Variants in CNTNAP2 observed in about 807,000 individuals in gnomAD.
CNTNAP2 encodes the protein contactin associated protein 2, also known as contactin-associated protein-like 2.
CNTNAP2 carries 98 observed loss-of-function variants against 155.2 expected under a neutral mutation model. That is an observed-to-expected ratio of 0.63 (90% CI 0.54 to 0.75). CNTNAP2 has a LOEUF of 0.75. CNTNAP2 is among the 30% of genes least tolerant of loss of function. The pLI is 0.00. For missense variants in CNTNAP2, 1,727 were observed against 1,688.1 expected, an observed-to-expected ratio of 1.02 and a Z score of -0.40; for synonymous variants, 651 against 631.2, an observed-to-expected ratio of 1.03 and a Z score of -0.47.
At chr7:147,263,081 G>A (rs1260025186) in intron 8 of CNTNAP2, among the ~76,000 whole-genome samples, 1 of 152,148 alleles carries the variant, frequency 6.6e-6, no homozygotes, top group African/African-American at 2.4e-5. Context: ...AGGTGGTGGT[G>A]CTTGCCTCCA....
chr7:147,472,587 G>A (rs190271717), intron 10 of CNTNAP2, among the ~76,000 whole-genome samples: 2 of 152,262 alleles, frequency 1.3e-5, no homozygotes, highest in African/African-American at 4.8e-5. Context: ...TTAAAGCAAG[G>A]CAAGATTTGG....
intron 13 of CNTNAP2, among the ~76,000 whole-genome samples, chr7:147,802,912 G>A (rs979049634): frequency 6.6e-6 from 1 of 151,696 alleles, no homozygotes; most frequent in Non-Finnish European, 1.5e-5. Context: ...ACTTCAGATA[G>A]AAAAAATAAC....
intron 15 of CNTNAP2, among the ~76,000 whole-genome samples, chr7:148,062,021 G>T: frequency 7.2e-6 from 1 of 138,398 alleles, no homozygotes; most frequent in African/African-American, 2.8e-5. Flanking sequence ...TAGAGAGAGA[G>T]AGAGAGAGTG....
At chr7:146,364,984 A>G (rs1251296816) in intron 1 of CNTNAP2, among the ~76,000 whole-genome samples, 1 of 152,246 alleles carries the variant, frequency 6.6e-6, no homozygotes, top group East Asian at 1.9e-4. Flanking sequence ...TGTCAAATTT[A>G]CAAGCCCTTA....
chr7:146,774,226 A>C, intron 1 of CNTNAP2, 45 bp from the exon 2 acceptor site: 1 of 1,400,880 alleles, frequency 7.1e-7, no homozygotes, highest in Non-Finnish European at 1.0e-6. Context: ...GTTATTTCGA[A>C]ATCGTTGTTG....
At chr7:147,618,705 T>TTA (rs1471695584) in intron 12 of CNTNAP2, among the ~76,000 whole-genome samples, 1 of 125,936 alleles carries the variant, frequency 7.9e-6, no homozygotes, top group South Asian at 2.1e-4. Flanking sequence ...ATAACAGCTA[T>TTA]TATACACACA....
Position 146,133,735 on chromosome 7 carries a change from G to A in CNTNAP2, c.97+16762G>A, listed in dbSNP as rs142903519. Among the ~76,000 whole-genome samples the A allele has an allele frequency of 4.4e-3, 667 of 152,138 alleles. 2 individuals carry two copies. Among genetic ancestry groups the A allele is most frequent in the African/African-American group, 0.015 (618 of 41,500 alleles). On this transcript the variant is annotated intron_variant, in intron 1 of 23. Transcript: ENST00000361727. ...GGTCAGATAGTTGTAAATATGTGGCGTTATTTCTGCAGGCTCTGTTCTGTT... is the reference window on the plus strand; with the variant it reads ...GGTCAGATAGTTGTAAATATGTGGCATTATTTCTGCAGGCTCTGTTCTGTT...
rs974214201 is a variant in CNTNAP2 at position 148,224,642 on chromosome 7, G to T, written c.3248-5004G>T. 2.8e-4 allele frequency among the ~76,000 whole-genome samples: 43 copies of T among 152,294 alleles called. 1 individual carries two copies. The highest frequency in any genetic ancestry group is 5.7e-4 in the Non-Finnish European group (39 of 68,022). On this transcript the variant is annotated intron_variant, in intron 19 of 23. Transcript: ENST00000361727. ...CACATTTTGAAAACATGGGGAAGAA[G>T]ACGGTACAGAAGCAGGGAGACTGTA...
chr7:147,960,386 A>G (rs1203334001), intron 14 of CNTNAP2, among the ~76,000 whole-genome samples: 1 of 152,162 alleles, frequency 6.6e-6, no homozygotes, highest in Non-Finnish European at 1.5e-5. Flanking sequence ...AACTCAATAA[A>G]TGGTGAGATG....
At chr7:148,055,774 CATTGCA>C (rs1323580709) in intron 15 of CNTNAP2, among the ~76,000 whole-genome samples, 6 of 112,124 alleles carry the variant, frequency 5.4e-5, no homozygotes, top group Non-Finnish European at 9.9e-5. Flanking sequence ...GAAGGAAAAG[CATTGCA>C]GTAGAGACTA....
chr7:147,339,420 G>T (rs1398609166), intron 9 of CNTNAP2, among the ~76,000 whole-genome samples: 1 of 151,970 alleles, frequency 6.6e-6, no homozygotes, highest in Admixed American at 6.6e-5. Context: ...GTGTATGTCA[G>T]CTCCTCTTCT....
At position 146,423,823 on chromosome 7, in the gene CNTNAP2, A is replaced by T. The variant is rs140361022; in HGVS notation, c.97+306850A>T. ...GTAGATCTTTTCTTTTTTAATTTTC[A>T]GGAAAAATTATACAATATAAGAAGA... is the stretch of plus-strand genomic sequence containing the variant. On this transcript the variant is annotated intron_variant, in intron 1 of 23. Transcript: ENST00000361727. Among the ~76,000 whole-genome samples, 472 of 152,272 alleles carry T rather than the reference A, an allele frequency of 3.1e-3. 5 individuals carry two copies. The highest frequency in any genetic ancestry group is 0.011 in the African/African-American group (454 of 41,542).
At chr7:146,541,133 C>G (rs1485701465) in intron 1 of CNTNAP2, among the ~76,000 whole-genome samples, 1 of 152,000 alleles carries the variant, frequency 6.6e-6, no homozygotes. Flanking sequence ...TTTCTTCTTC[C>G]TCCTTGTACT....
chr7:148,085,914 A>G (rs1212499578), intron 15 of CNTNAP2, among the ~76,000 whole-genome samples: 1 of 152,180 alleles, frequency 6.6e-6, no homozygotes, highest in Non-Finnish European at 1.5e-5. Context: ...ATACTATGAC[A>G]CAGACAACCA....
chr7:146,936,430 A>C lies in CNTNAP2; in HGVS notation c.402+96526A>C, dbSNP rs568890655. On this transcript the variant is annotated intron_variant, in intron 3 of 23. Transcript: ENST00000361727. ...CCCACCTTGCAAAACCCACTGTTCT[A>C]CTGTTTTCCAGTGGGTTTCAAGACC... 1.3e-5 allele frequency among the ~76,000 whole-genome samples: 2 copies of C among 152,324 alleles called. 1 individual carries two copies. Among genetic ancestry groups the C allele is most frequent in the South Asian group, 4.1e-4 (2 of 4,820 alleles).
chr7:146,162,462 A>G (rs942569168), intron 1 of CNTNAP2, among the ~76,000 whole-genome samples: 12 of 152,208 alleles, frequency 7.9e-5, no homozygotes, highest in African/African-American at 2.4e-4. Context: ...ATGAGATACC[A>G]TCTCACACCA....
intron 8 of CNTNAP2, among the ~76,000 whole-genome samples, chr7:147,234,908 C>A (rs1803765603): frequency 6.6e-6 from 1 of 152,134 alleles, no homozygotes; most frequent in African/African-American, 2.4e-5. Flanking sequence ...AGTTTCAAGC[C>A]ATCCCATTAT....
At chr7:147,074,356 T>C (rs1799955537) in intron 4 of CNTNAP2, among the ~76,000 whole-genome samples, 1 of 152,122 alleles carries the variant, frequency 6.6e-6, no homozygotes, top group Admixed American at 6.5e-5. Flanking sequence ...CTATGATAAA[T>C]ATTTGCTCAT....
chr7:147,899,902 AAAAG>A (rs1423554593), intron 13 of CNTNAP2, among the ~76,000 whole-genome samples: 99 of 150,094 alleles, frequency 6.6e-4, no homozygotes, highest in African/African-American at 2.2e-3. Context: ...CAAAAAAAAA[AAAAG>A]AAAGAAAGAA....
Sources: gnomAD v4.1 joint callset for allele counts (sites outside exome capture counted in the v4.1 genomes callset) on GRCh38, gnomAD v4.1.1 for gene constraint, MANE v1.5 for transcripts, NCBI Gene and HGNC (gene_info 2026-07-23, HGNC 2026-07-21) for gene names.